The following MORN1 variants were observed in gnomAD, a reference collection of about 807,000 sequenced individuals.
MORN1 encodes MORN repeat-containing protein 1.
In MORN1, 67 loss-of-function variants were observed where a neutral mutation model predicts 61.9. That is an observed-to-expected ratio of 1.08 (90% CI 0.89 to 1.33). The LOEUF (loss-of-function observed/expected upper bound fraction) is 1.33. MORN1 is among the 40% of genes most tolerant of loss of function. MORN1 has a pLI of 0.00. For missense variants in MORN1, 752 were observed against 691.2 expected, an observed-to-expected ratio of 1.09 and a Z score of -0.99; for synonymous variants, 301 against 292.0, an observed-to-expected ratio of 1.03 and a Z score of -0.31.
intron 12 of MORN1, among the ~76,000 whole-genome samples, chr1:2,336,098 C>G (rs377102136): frequency 6.6e-6 from 1 of 152,248 alleles, no homozygotes; most frequent in Non-Finnish European, 1.5e-5. Context: ...AGAGTCCCCT[C>G]AAGCCACTGC....
At chr1:2,374,682 A>G (rs1642196023) in intron 6 of MORN1, 125 bp from the exon 7 acceptor site, 8 of 726,224 alleles carry the variant, frequency 1.1e-5, no homozygotes, top group Admixed American at 2.5e-5. Context: ...AGAAAACCAC[A>G]TCGTCTCGAG....
chr1:2,352,343 A>C (rs1291025583), intron 10 of MORN1: 2 of 160,112 alleles, frequency 1.2e-5, no homozygotes, highest in Non-Finnish European at 2.7e-5. Context: ...AGGCAACAGG[A>C]ACTGGGGTCC....
chr1:2,380,418 T>C (rs1205526539), intron 6 of MORN1, among the ~76,000 whole-genome samples: 2 of 152,206 alleles, frequency 1.3e-5, no homozygotes, highest in South Asian at 4.1e-4. Context: ...GCAGAAGCAC[T>C]TGGGGCCCAG....
At chr1:2,384,940 T>C (rs2100367788) in intron 6 of MORN1, 38 bp downstream of exon 6, 1 of 1,514,872 alleles carries the variant, frequency 6.6e-7, no homozygotes, top group Non-Finnish European at 8.9e-7. Context: ...ACGAGGCCTG[T>C]ACCCTCTGGG....
chr1:2,366,829 C>T (rs914542853), intron 8 of MORN1, among the ~76,000 whole-genome samples: 2 of 152,188 alleles, frequency 1.3e-5, no homozygotes, highest in Admixed American at 1.3e-4. Context: ...AGGCACTGCA[C>T]CCAGCAAGGC....
chr1:2,351,497 CAA>C, intron 10 of MORN1: 2 of 176,950 alleles, frequency 1.1e-5, no homozygotes, highest in Non-Finnish European at 1.2e-5. Context: ...GGCTATTTGG[CAA>C]AGACAGCCAT....
intron 8 of MORN1, among the ~76,000 whole-genome samples, chr1:2,368,529 C>T (rs753664806): frequency 8.5e-5 from 13 of 152,162 alleles, no homozygotes; most frequent in South Asian, 4.1e-4. Context: ...CGTTGGTGGG[C>T]GTGTCTTATG....
chr1:2,357,533 G>A lies in MORN1; in HGVS notation c.935C>T (p.Ala312Val). 6.2e-7 allele frequency: 1 copy of A among 1,612,592 alleles called. No individual in the cohort carries two copies. Among genetic ancestry groups the A allele is most frequent in the South Asian group, 1.1e-5 (1 of 90,992 alleles). ...CACGTCGGCTTCTGCCCCTCCCTTG[G>A]CAGCTCTGGGCCCCGGCACCCCAGC... ...PAAGVPGPRA[A>V]KGGAEADVPL... Residue 312 changes from alanine (A) to valine (V), a missense_variant, in exon 10 of 14, where the codon GCC becomes GTC. Physicochemically the swap from Ala to Val is moderately conservative, Grantham distance 64. Coordinates refer to ENST00000378531, the MANE Select transcript of MORN1 (RefSeq NM_024848.3). The surrounding 1 kb of genome is among the most constrained non-coding windows in gnomAD (Gnocchi z 6.3).
At chr1:2,350,863 A>C (rs1056829761) in intron 10 of MORN1, 5 of 152,212 alleles carry the variant, frequency 3.3e-5, no homozygotes, top group Non-Finnish European at 7.3e-5. Flanking sequence ...ATTGCTTTAA[A>C]ACGTGAGGCG....
intron 10 of MORN1, chr1:2,355,447 C>A: frequency 6.4e-7 from 1 of 1,550,392 alleles, no homozygotes; most frequent in Non-Finnish European, 8.7e-7. Context: ...CTCGTCTGAT[C>A]CTAGAAGAGT....
intron 4 of MORN1, chr1:2,386,112 T>C (rs1261486530): frequency 1.8e-6 from 1 of 571,404 alleles, no homozygotes. Context: ...GAAGGGCAGA[T>C]GTGCTTTGGG....
intron 12 of MORN1, among the ~76,000 whole-genome samples, chr1:2,325,137 TCCC>T (rs1557865219): frequency 2.8e-3 from 55 of 19,554 alleles, no homozygotes; most frequent in East Asian, 0.012. Flanking sequence ...CTTCCTTCCC[TCCC>T]TCCCTCCCTT....
chr1:2,338,978 G>A (rs1031205929), intron 10 of MORN1, among the ~76,000 whole-genome samples: 7 of 152,246 alleles, frequency 4.6e-5, no homozygotes, highest in African/African-American at 1.7e-4. Flanking sequence ...GCAGGAAGAG[G>A]ACAGAGGACA....
intron 10 of MORN1, chr1:2,351,286 G>A (rs1014116886): frequency 3.9e-5 from 6 of 152,820 alleles, no homozygotes; most frequent in East Asian, 1.9e-4. Flanking sequence ...TTAGAGTCTC[G>A]TGGAAATGGA....
intron 10 of MORN1, among the ~76,000 whole-genome samples, chr1:2,343,826 G>T (rs925540692): frequency 2.0e-5 from 3 of 152,200 alleles, no homozygotes; most frequent in African/African-American, 7.2e-5. Flanking sequence ...TTGGGGTTTG[G>T]ACTTCTTTTA....
chr1:2,388,795 AAAAAAGAG>A (rs1337401671), intron 2 of MORN1, among the ~76,000 whole-genome samples: 3 of 149,388 alleles, frequency 2.0e-5, no homozygotes, highest in Admixed American at 6.7e-5. Context: ...AAAAAAAAAA[AAAAAAGAG>A]AGAGAGAGAA....
chr1:2,342,867 A>ATTTAT (rs1553211058), intron 10 of MORN1, among the ~76,000 whole-genome samples: 1,870 of 101,082 alleles, frequency 0.018, 36 homozygotes, highest in Middle Eastern at 0.049. Flanking sequence ...ATTTTATTTT[A>ATTTAT]TTTATTTTAT....
At chr1:2,351,999 C>A (rs903496030) in intron 10 of MORN1, 7 of 513,574 alleles carry the variant, frequency 1.4e-5, no homozygotes, top group African/African-American at 1.2e-4. Context: ...AGGAATGAGA[C>A]CCCCTCCACC....
intron 10 of MORN1, among the ~76,000 whole-genome samples, chr1:2,346,048 A>G: frequency 6.6e-6 from 1 of 151,864 alleles, no homozygotes; most frequent in Admixed American, 6.6e-5. Flanking sequence ...GCCACCAGGA[A>G]CCTTCCTCAG....
Sources: allele counts gnomAD v4.1 joint callset (sites outside exome capture counted in the v4.1 genomes callset), GRCh38; gene constraint gnomAD v4.1.1; non-coding constraint Gnocchi (gnomAD v3.1); transcripts MANE v1.5; gene names NCBI Gene and HGNC (gene_info 2026-07-23, HGNC 2026-07-21).